The following PLEKHA5 variants were observed in gnomAD, a reference collection of about 807,000 sequenced individuals.
The protein encoded by PLEKHA5 is pleckstrin homology domain-containing family A member 5.
Under a neutral mutation model 181.9 loss-of-function variants are expected in PLEKHA5, and 55 were observed. The observed-to-expected ratio is 0.30, with a 90% CI of 0.24 to 0.38. PLEKHA5 has a LOEUF of 0.38. Ranked by LOEUF, PLEKHA5 falls within the 10% of genes least tolerant of loss-of-function variation. PLEKHA5 has a pLI of 1.00. For missense variants in PLEKHA5, 1,432 were observed against 1,549.5 expected (o/e 0.92, Z 1.27); for synonymous variants, 535 against 529.4 (o/e 1.01, Z -0.15).
At chr12:19,368,563 C>A (rs1318301563) in intron 30 of PLEKHA5, among the ~76,000 whole-genome samples, 3 of 152,152 alleles carry the variant, frequency 2.0e-5, no homozygotes, top group African/African-American at 7.2e-5. Flanking sequence ...GAGACTGAGG[C>A]AGGTGGATCA....
chr12:19,304,233 G>A (rs78127553), intron 15 of PLEKHA5, among the ~76,000 whole-genome samples: 8,671 of 151,994 alleles, frequency 0.057, 398 homozygotes, highest in East Asian at 0.18. Context: ...GGTGAAACCC[G>A]GTCTCTACTA....
At chr12:19,338,759 C>T (rs2093651348) in intron 21 of PLEKHA5, among the ~76,000 whole-genome samples, 1 of 151,068 alleles carries the variant, frequency 6.6e-6, no homozygotes, top group South Asian at 2.1e-4. Context: ...CTACAGGCAC[C>T]TGTAATCCCA....
chr12:19,290,418 A>G (rs1366987112), intron 13 of PLEKHA5, among the ~76,000 whole-genome samples: 1 of 152,186 alleles, frequency 6.6e-6, no homozygotes, highest in East Asian at 1.9e-4. Context: ...TGTACTTAAC[A>G]TTTAAATGTT....
chr12:19,353,814 A>T, intron 25 of PLEKHA5, 70 bp from the exon 26 acceptor site: 1 of 765,682 alleles, frequency 1.3e-6, no homozygotes, highest in Non-Finnish European at 2.3e-6. Context: ...GTCAGAAATT[A>T]AGTAAGCTAA....
At chr12:19,357,106 G>T (rs1472194993) in intron 26 of PLEKHA5, among the ~76,000 whole-genome samples, 1 of 152,042 alleles carries the variant, frequency 6.6e-6, no homozygotes, top group Non-Finnish European at 1.5e-5. Context: ...CAAAATAAAA[G>T]AAATCTCTAA....
rs752932978 is a variant in PLEKHA5 at position 19,129,904 on chromosome 12, C to T, written c.89+16C>T. The T allele has an allele frequency of 6.3e-7, 1 of 1,590,104 alleles. No homozygotes were observed. The highest frequency in any genetic ancestry group is 1.4e-5 in the African/African-American group (1 of 72,992). On this transcript the variant is annotated intron_variant, in intron 1 of 31. Coordinates refer to ENST00000429027, the MANE Select transcript of PLEKHA5 (RefSeq NM_001256470.2). ...TCTTCATCAAGTAAAGAGCCGGGGA[C>T]GGCACGGGGGCCCGCGGGGGCGGGA...
At chr12:19,356,862 T>C (rs1206949317) in intron 26 of PLEKHA5, among the ~76,000 whole-genome samples, 2 of 151,972 alleles carry the variant, frequency 1.3e-5, no homozygotes, top group African/African-American at 2.4e-5. Flanking sequence ...GGTTTCACCA[T>C]GTTGGCCAGG....
intron 20 of PLEKHA5, among the ~76,000 whole-genome samples, chr12:19,333,489 C>T (rs912536449): frequency 6.0e-5 from 9 of 149,738 alleles, no homozygotes; most frequent in East Asian, 2.0e-4. Flanking sequence ...CTCGGGAGGT[C>T]GATGCAGAAG....
At chr12:19,361,474 C>T (rs2095242549) in intron 28 of PLEKHA5, 108 bp from the exon 29 acceptor site, 7 of 651,790 alleles carry the variant, frequency 1.1e-5, no homozygotes, top group South Asian at 2.0e-5. Flanking sequence ...TGAGCCATCA[C>T]GCCCGACCGT....
intron 3 of PLEKHA5, among the ~76,000 whole-genome samples, chr12:19,213,071 A>G (rs1053790984): frequency 6.6e-6 from 1 of 152,106 alleles, no homozygotes; most frequent in Non-Finnish European, 1.5e-5. Flanking sequence ...CAAACATGAG[A>G]TTATTTACAC....
intron 21 of PLEKHA5, among the ~76,000 whole-genome samples, chr12:19,336,826 A>G (rs1472709109): frequency 4.6e-5 from 7 of 152,080 alleles, no homozygotes; most frequent in African/African-American, 7.2e-5. Context: ...TGTTGGGCAC[A>G]TGGTGAGCCC....
intron 3 of PLEKHA5, among the ~76,000 whole-genome samples, chr12:19,212,851 T>A (rs1220749594): frequency 7.8e-5 from 9 of 115,712 alleles, no homozygotes; most frequent in Non-Finnish European, 1.5e-4. Context: ...TTTTTTTTTT[T>A]AATTTCAGGC....
rs780484318 is a variant in PLEKHA5, at chr12:19,274,883, A to C, written c.1213A>C (p.Thr405Pro). Residue 405 changes from threonine to proline, a missense_variant, in exon 11 of 32, where the codon ACA becomes CCA. By Grantham distance (38) the Thr-to-Pro change is conservative (BLOSUM62 -1). Transcript: ENST00000429027. ...GNRPNTGPLY[T>P]EADRVIQRTN... ...TCGCCCCAATACAGGGCCCTTATAC[A>C]CAGAGGCCGATCGAGTCATACAGAG... 14 of 1,614,014 alleles carry C rather than the reference A, an allele frequency of 8.7e-6. No individual in the cohort carries two copies. Among genetic ancestry groups the C allele is most frequent in the Non-Finnish European group, 1.2e-5 (14 of 1,180,000 alleles).
At chr12:19,372,701 CCTAA>C (rs1410751650) in intron 31 of PLEKHA5, 3 of 151,784 alleles carry the variant, frequency 2.0e-5, no homozygotes, top group Non-Finnish European at 4.4e-5. Flanking sequence ...TTACAAATAA[CCTAA>C]CTGTGATAGT....
chr12:19,288,769 A>G (rs2077771659), intron 13 of PLEKHA5, among the ~76,000 whole-genome samples: 1 of 152,262 alleles, frequency 6.6e-6, no homozygotes, highest in African/African-American at 2.4e-5. Context: ...GTCATTAATC[A>G]TAGAGTAAAT....
At chr12:19,358,827 T>G (rs2095079679) in intron 27 of PLEKHA5, among the ~76,000 whole-genome samples, 1 of 152,224 alleles carries the variant, frequency 6.6e-6, no homozygotes, top group South Asian at 2.1e-4. Flanking sequence ...GTGTCCTGAT[T>G]TAACATGACC....
At chr12:19,228,342 C>G in intron 3 of PLEKHA5, among the ~76,000 whole-genome samples, 1 of 152,132 alleles carries the variant, frequency 6.6e-6, no homozygotes, top group East Asian at 1.9e-4. Flanking sequence ...CATTTTTACC[C>G]CAATATATTT....
At chr12:19,319,482 A>G (rs568798864) in intron 16 of PLEKHA5, among the ~76,000 whole-genome samples, 1 of 152,322 alleles carries the variant, frequency 6.6e-6, no homozygotes, top group East Asian at 1.9e-4. Context: ...TTCATAGAGA[A>G]AACATATAGA....
intron 5 of PLEKHA5, among the ~76,000 whole-genome samples, chr12:19,256,866 C>A (rs1314444455): frequency 6.6e-6 from 1 of 152,070 alleles, no homozygotes; most frequent in Non-Finnish European, 1.5e-5. Flanking sequence ...ATCCAGTAAA[C>A]CCCATCTGTC....
Sources: allele counts gnomAD v4.1 joint callset (sites outside exome capture counted in the v4.1 genomes callset), GRCh38; gene constraint gnomAD v4.1.1; transcripts MANE v1.5; gene names NCBI Gene and HGNC (gene_info 2026-07-23, HGNC 2026-07-21).